Variants in KDM3A observed in about 807,000 individuals in gnomAD.
The protein encoded by KDM3A is lysine demethylase 3A, also known as lysine-specific demethylase 3A.
Under a neutral mutation model 158.0 loss-of-function variants are expected in KDM3A, and 60 were observed. The observed-to-expected ratio is 0.38, with a 90% CI of 0.31 to 0.47. KDM3A has a LOEUF of 0.47. Among genes scored for constraint, KDM3A ranks in the 20% least tolerant of loss-of-function variants. The pLI, the probability that KDM3A is intolerant of heterozygous loss-of-function variation, is 0.99. For synonymous variants in KDM3A, 608 were observed against 549.3 expected, an observed-to-expected ratio of 1.11 and a Z score of -1.49; for missense variants, 1,319 against 1,574.3, an observed-to-expected ratio of 0.84 and a Z score of 2.74.
intron 8 of KDM3A, among the ~76,000 whole-genome samples, chr2:86,462,551 C>T (rs1268755752): frequency 2.0e-5 from 3 of 152,182 alleles, no homozygotes; most frequent in Non-Finnish European, 2.9e-5. Context: ...CCAACCATCA[C>T]ACCTTCTGGA....
intron 18 of KDM3A, 99 bp downstream of exon 18, chr2:86,482,793 C>T (rs1674002472): frequency 9.5e-7 from 1 of 1,057,220 alleles, no homozygotes; most frequent in Non-Finnish European, 1.4e-6. Flanking sequence ...CCCCCTCCTT[C>T]ACCTCCTGTT....
intron 10 of KDM3A, among the ~76,000 whole-genome samples, chr2:86,469,468 C>T (rs770285944): frequency 1.3e-5 from 2 of 152,200 alleles, no homozygotes; most frequent in Non-Finnish European, 2.9e-5. Flanking sequence ...TTCTCTGACA[C>T]GGTGATTGCT....
At chr2:86,461,820 A>G (rs963068473) in intron 8 of KDM3A, among the ~76,000 whole-genome samples, 1 of 152,140 alleles carries the variant, frequency 6.6e-6, no homozygotes, top group African/African-American at 2.4e-5. Flanking sequence ...CCAGGCAAGA[A>G]AGGGCTTAGA....
upstream of KDM3A, among the ~76,000 whole-genome samples, chr2:86,440,389 A>G (rs992824662): frequency 4.6e-5 from 7 of 152,210 alleles, no homozygotes; most frequent in African/African-American, 1.4e-4. Context: ...CTTTATGAAC[A>G]TATCTTCAAT....
At chr2:86,440,015 G>T (rs1682601201), upstream of KDM3A, among the ~76,000 whole-genome samples, 1 of 152,024 alleles carries the variant, frequency 6.6e-6, no homozygotes, top group Non-Finnish European at 1.5e-5. Flanking sequence ...TACATTTATT[G>T]TAAATACTGA....
chr2:86,479,679 G>A (rs1271609624), intron 15 of KDM3A: 3 of 152,540 alleles, frequency 2.0e-5, no homozygotes, highest in African/African-American at 4.8e-5. Flanking sequence ...TTTAATTTAT[G>A]GGTTCTTTTA....
intron 12 of KDM3A, among the ~76,000 whole-genome samples, chr2:86,477,219 G>A (rs1483265085): frequency 6.6e-6 from 1 of 152,194 alleles, no homozygotes; most frequent in Non-Finnish European, 1.5e-5. Context: ...TTTGGTTAGT[G>A]TGAGTTAGTC....
intron 9 of KDM3A, among the ~76,000 whole-genome samples, chr2:86,464,790 G>C (rs1172086262): frequency 1.3e-5 from 2 of 152,246 alleles, no homozygotes; most frequent in African/African-American, 2.4e-5. Context: ...TTCAAGGGAA[G>C]GATCTCTTCT....
intron 8 of KDM3A, among the ~76,000 whole-genome samples, chr2:86,461,809 C>G (rs1285748335): frequency 1.3e-5 from 2 of 151,798 alleles, no homozygotes; most frequent in Admixed American, 6.6e-5. Flanking sequence ...AGTACAAAGG[C>G]CCAGGCAAGA....
intron 19 of KDM3A, 58 bp downstream of exon 19, chr2:86,484,216 T>C: frequency 1.3e-6 from 2 of 1,483,822 alleles, no homozygotes; most frequent in Non-Finnish European, 1.8e-6. Flanking sequence ...GACACAGGAA[T>C]GGCAGGAGTC....
At chr2:86,491,598 C>G (rs879540338) in intron 25 of KDM3A, 2 of 375,414 alleles carry the variant, frequency 5.3e-6, no homozygotes, top group African/African-American at 4.0e-5. Context: ...AGTGCTTAAC[C>G]TTCAGTGCTG....
chr2:86,439,501 T>C (rs1386095538), upstream of KDM3A, among the ~76,000 whole-genome samples: 1 of 152,092 alleles, frequency 6.6e-6, no homozygotes, highest in African/African-American at 2.4e-5. Flanking sequence ...TTCCATCTTT[T>C]CTAAGCTCTG....
chr2:86,439,021 G>A (rs909935519), upstream of KDM3A, among the ~76,000 whole-genome samples: 10 of 151,540 alleles, frequency 6.6e-5, no homozygotes, highest in South Asian at 6.2e-4. Context: ...ATGTTTTTTC[G>A]TTCATATGTG....
rs1356554743 is a variant in KDM3A, at chr2:86,478,036, A to G, written c.2092+7A>G. ...AGAAAGAATTGCCAACAGGGTGAGA[A>G]CCGATTTGATTCTCCTCCAGCCCCT... On this transcript the variant is annotated splice_region_variant and intron_variant, in intron 13 of 25. Coordinates refer to ENST00000312912, the MANE Select transcript of KDM3A (RefSeq NM_018433.6). The G allele has an allele frequency of 4.3e-6, 7 of 1,613,768 alleles. No homozygotes were observed. The highest frequency in any genetic ancestry group is 5.9e-6 in the Non-Finnish European group (7 of 1,179,944).
rs1036771004 is a variant in KDM3A, at chr2:86,471,210, C to CAT, written c.1724+813_1724+814dup. On this transcript the variant is annotated intron_variant, in intron 11 of 25. Coordinates refer to ENST00000312912, the MANE Select transcript of KDM3A (RefSeq NM_018433.6). ...TTTCCAATTTTATAGGCAAAATTTT[C>CAT]ATATATATATATGTGTGTGTGTGTA... is the stretch of plus-strand genomic sequence containing the variant. Among the ~76,000 whole-genome samples the CAT allele has an allele frequency of 3.1e-3, 461 of 150,886 alleles. 5 individuals carry two copies. Among genetic ancestry groups the CAT allele is most frequent in the African/African-American group, 0.01 (417 of 41,040 alleles).
chr2:86,489,273 G>A (rs1674338742), intron 21 of KDM3A, 45 bp from the exon 22 acceptor site: 1 of 1,594,632 alleles, frequency 6.3e-7, no homozygotes, highest in African/African-American at 1.3e-5. Context: ...GACTGTGGCA[G>A]CCTTTGTTGT....
At chr2:86,453,230 T>C (rs72930361) in intron 4 of KDM3A, among the ~76,000 whole-genome samples, 20,419 of 152,160 alleles carry the variant, frequency 0.13, 1,500 homozygotes, top group Middle Eastern at 0.16. Context: ...CGATATACAA[T>C]TAACTGGGAG....
intron 21 of KDM3A, 150 bp downstream of exon 21, chr2:86,486,009 C>A: frequency 1.2e-6 from 1 of 817,240 alleles, no homozygotes; most frequent in Non-Finnish European, 1.8e-6. Context: ...TCCTTTCGTT[C>A]CCTGGCCACA....
intron 23 of KDM3A, chr2:86,490,107 G>T (rs984962072): frequency 2.0e-5 from 3 of 153,316 alleles, no homozygotes; most frequent in Non-Finnish European, 4.4e-5. Context: ...TACTAGCAAG[G>T]GTTGCAGGGA....
Sources: gnomAD v4.1 joint callset for allele counts (sites outside exome capture counted in the v4.1 genomes callset) on GRCh38, gnomAD v4.1.1 for gene constraint, MANE v1.5 for transcripts, NCBI Gene and HGNC (gene_info 2026-07-23, HGNC 2026-07-21) for gene names.